Variants in CXCR5 observed in about 807,000 individuals in gnomAD.
CXCR5 encodes the protein C-X-C chemokine receptor type 5.
In CXCR5, 3 loss-of-function variants were observed where a neutral mutation model predicts 5.6. That is an observed-to-expected ratio of 0.54 (90% CI 0.24 to 1.39). The LOEUF (loss-of-function observed/expected upper bound fraction) is 1.39. Ranked by LOEUF, CXCR5 falls within the 40% of genes most tolerant of loss-of-function variation. The pLI is 0.16. For synonymous variants in CXCR5, 218 were observed against 219.9 expected (o/e 0.99, Z 0.08); for missense variants, 333 against 494.6 (o/e 0.67, Z 3.10).
intron 1 of CXCR5, among the ~76,000 whole-genome samples, chr11:118,890,517 A>T (rs907396241): frequency 6.6e-6 from 1 of 152,004 alleles, no homozygotes; most frequent in African/African-American, 2.4e-5. Flanking sequence ...AATTAGGCAA[A>T]TTTGGAAAGA....
At position 118,893,841 on chromosome 11, in the gene CXCR5, G is replaced by A. The variant is rs774062762; in HGVS notation, c.297G>A (p.Leu99=). The change falls in exon 2 of 2, where the codon CTG becomes CTA. Residue 99 remains leucine (L), a synonymous_variant. Transcript: ENST00000292174. The surrounding 1 kb of genome is among the most constrained non-coding windows in gnomAD (Gnocchi z 5.7). ...TCCACCTGGCCGTGGCCGACCTCCT[G>A]CTGGTCTTCATCTTGCCCTTTGCCG... ...FLFHLAVADL[L]LVFILPFAVA... The A allele has an allele frequency of 9.9e-6, 16 of 1,614,010 alleles. No homozygotes were observed. The South Asian group carries it at 1.5e-4, about 16-fold the overall frequency.
intron 1 of CXCR5, among the ~76,000 whole-genome samples, chr11:118,884,416 T>G (rs1441280446): frequency 1.3e-5 from 2 of 152,180 alleles, no homozygotes; most frequent in Non-Finnish European, 2.9e-5. Flanking sequence ...TAGCTGTTCG[T>G]CTCTGGCCAT....
rs1939875276 is a variant in CXCR5, at chr11:118,894,755, AC to A, written c.*94del. The A allele has an allele frequency of 7.6e-7, 1 of 1,320,696 alleles. No homozygotes were observed. The allele number at this position is 1,320,696 out of a possible 1,614,324, so 81.8% of individuals were successfully genotyped here. ...ACAGGAGCTGGGATCCTAAGGGCTC[AC>A]CGTGGCTAAGAGTGTCCTAGGAGTA... On this transcript the variant is annotated 3_prime_UTR_variant, in exon 2 of 2. Coordinates refer to ENST00000292174, the MANE Select transcript of CXCR5 (RefSeq NM_001716.5). The surrounding 1 kb of genome is among the most constrained non-coding windows in gnomAD (Gnocchi z 6.1).
rs1436878846 is a variant in CXCR5, at chr11:118,897,673, TGGCCATGTAG to T, written c.*3014_*3023del. ...ACCCAGAGACACTGCAAACAGTGGG[TGGCCATGTAG>T]GGCTGCATGTCCCTGGGTCCAGGGG... On this transcript the variant is annotated 3_prime_UTR_variant, in exon 2 of 2. Transcript: ENST00000292174. 7 of 409,262 alleles carry T rather than the reference TGGCCATGTAG, an allele frequency of 1.7e-5. No individual in the cohort carries two copies. The highest frequency in any genetic ancestry group is 2.9e-5 in the Non-Finnish European group (6 of 208,068). 25.4% of individuals were successfully genotyped at this position (409,262 alleles called of 1,614,324 possible). A position where few individuals can be genotyped will look rare whatever the true frequency, so the allele number is the denominator to read the frequency against.
intron 1 of CXCR5, among the ~76,000 whole-genome samples, chr11:118,884,643 T>C (rs1939682187): frequency 6.6e-6 from 1 of 152,194 alleles, no homozygotes; most frequent in Admixed American, 6.5e-5. Context: ...GTGAGAAAAC[T>C]GTTAATCTGA....
Position 118,895,014 on chromosome 11 carries a change from A to G in CXCR5, c.*351A>G. ...CTTCTACTTCTGCCCTTGCCAACGG[A>G]GAGCGCCTGCCCCTCCCAGAACACA... On this transcript the variant is annotated 3_prime_UTR_variant, in exon 2 of 2. Coordinates refer to ENST00000292174, the MANE Select transcript of CXCR5 (RefSeq NM_001716.5). The surrounding 1 kb of genome is among the most constrained non-coding windows in gnomAD (Gnocchi z 4.2). The G allele has an allele frequency of 4.6e-6, 1 of 218,748 alleles. No homozygotes were observed. The highest frequency in any genetic ancestry group is 9.7e-6 in the Non-Finnish European group (1 of 102,744). The allele number at this position is 218,748 out of a possible 1,614,324, so 13.6% of individuals were successfully genotyped here.
chr11:118,890,284 G>A (rs2137656099), intron 1 of CXCR5, among the ~76,000 whole-genome samples: 1 of 152,298 alleles, frequency 6.6e-6, no homozygotes, highest in South Asian at 2.1e-4. Flanking sequence ...ACTGCTTTCA[G>A]AGCAGGTCAG....
At position 118,897,576 on chromosome 11, in the gene CXCR5, C is replaced by T; in HGVS notation, c.*2913C>T. On this transcript the variant is annotated 3_prime_UTR_variant, in exon 2 of 2. Transcript: ENST00000292174. ...CCAGGTGGAAGCCTAGGTGGTCTGACCTCAGTTTAGGAGTGGGTCATTTAC... is the reference window on the plus strand; with the variant it reads ...CCAGGTGGAAGCCTAGGTGGTCTGATCTCAGTTTAGGAGTGGGTCATTTAC... 2.8e-6 allele frequency: 1 copy of T among 355,306 alleles called. No homozygotes were observed. The allele number at this position is 355,306 out of a possible 1,614,324, so 22.0% of individuals were successfully genotyped here.
rs557637792 is a variant in CXCR5, at chr11:118,884,878, G to A, written c.51+886G>A. On this transcript the variant is annotated intron_variant, in intron 1 of 1. Coordinates refer to ENST00000292174, the MANE Select transcript of CXCR5 (RefSeq NM_001716.5). ...AACACAGGGTTCCTTGTGAGCCGAC[G>A]GCAGAGGCTGGTTGTAAGGGTTTCT... 4.9e-4 allele frequency among the ~76,000 whole-genome samples: 74 copies of A among 152,248 alleles called. No homozygotes were observed. The South Asian group carries it at 0.012, about 24-fold the overall frequency.
chr11:118,896,663 G>C lies in CXCR5; in HGVS notation c.*2000G>C, dbSNP rs951331627. The C allele has an allele frequency of 6.5e-6, 1 of 152,948 alleles. No homozygotes were observed. The highest frequency in any genetic ancestry group is 1.9e-4 in the East Asian group (1 of 5,208). The allele number at this position is 152,948 out of a possible 1,614,324, so 9.5% of individuals were successfully genotyped here. ...CGCTGGACCTGGCCGATGGTGGGCC[G>C]AGAGGACAGCACCAGGCTGGGAGAA... On this transcript the variant is annotated 3_prime_UTR_variant, in exon 2 of 2. Coordinates refer to ENST00000292174, the MANE Select transcript of CXCR5 (RefSeq NM_001716.5).
chr11:118,886,414 T>G (rs1939711654), intron 1 of CXCR5: 1 of 434,154 alleles, frequency 2.3e-6, no homozygotes, highest in Non-Finnish European at 4.5e-6. Context: ...TGTATTCCAT[T>G]TGTCCTCTTG....
chr11:118,884,861 G>A (rs903768306), intron 1 of CXCR5, among the ~76,000 whole-genome samples: 2 of 152,144 alleles, frequency 1.3e-5, no homozygotes, highest in African/African-American at 2.4e-5. Context: ...GAAACACAGG[G>A]TTCCTTGTGA....
chr11:118,890,310 C>G (rs944503256), intron 1 of CXCR5, among the ~76,000 whole-genome samples: 1 of 152,138 alleles, frequency 6.6e-6, no homozygotes, highest in Non-Finnish European at 1.5e-5. Context: ...GTCTGTCCTA[C>G]GTAAAACACG....
Position 118,894,700 on chromosome 11 carries a change from G to A in CXCR5, c.*37G>A. 1 of 1,499,506 alleles carries A rather than the reference G, an allele frequency of 6.7e-7. No homozygotes were observed. Among genetic ancestry groups the A allele is most frequent in the Non-Finnish European group, 8.9e-7 (1 of 1,124,632 alleles). 92.9% of individuals were successfully genotyped at this position (1,499,506 alleles called of 1,614,324 possible). A position where few individuals can be genotyped will look rare whatever the true frequency, so the allele number is the denominator to read the frequency against. Reference sequence around the variant, plus strand: ...CCCTTTTATTGCTGCTTTTCCTTGGGGCAGGCAGTGATGCTGGATGCTCCT... The same window carrying A: ...CCCTTTTATTGCTGCTTTTCCTTGGAGCAGGCAGTGATGCTGGATGCTCCT... On this transcript the variant is annotated 3_prime_UTR_variant, in exon 2 of 2. Transcript: ENST00000292174. This position sits in a 1 kb window ranked among gnomAD's most constrained non-coding sequence, Gnocchi z 6.1.
chr11:118,894,907 C>T lies in CXCR5; in HGVS notation c.*244C>T. ...AAGCAGCTCAAAGGCACAGTGAAGG[C>T]TGTCCTTACCCATCTGCACCCCCCT... On this transcript the variant is annotated 3_prime_UTR_variant, in exon 2 of 2. Transcript: ENST00000292174. This position sits in a 1 kb window ranked among gnomAD's most constrained non-coding sequence, Gnocchi z 6.1. 1 of 438,260 alleles carries T rather than the reference C, an allele frequency of 2.3e-6. No homozygotes were observed. Among genetic ancestry groups the T allele is most frequent in the Non-Finnish European group, 4.2e-6 (1 of 240,368 alleles). The allele number at this position is 438,260 out of a possible 1,614,324, so 27.1% of individuals were successfully genotyped here.
At position 118,896,219 on chromosome 11, in the gene CXCR5, A is replaced by G. The variant is rs1226070417; in HGVS notation, c.*1556A>G. ...AGGCAGCACAGAGACCCCCGGAACA[A>G]GCCTAAAAATTGTTTCAAAATAAAA... On this transcript the variant is annotated 3_prime_UTR_variant, in exon 2 of 2. Coordinates refer to ENST00000292174, the MANE Select transcript of CXCR5 (RefSeq NM_001716.5). 1 of 166,818 alleles carries G rather than the reference A, an allele frequency of 6.0e-6. No individual in the cohort carries two copies. The highest frequency in any genetic ancestry group is 1.9e-4 in the East Asian group (1 of 5,208). 10.3% of individuals were successfully genotyped at this position (166,818 alleles called of 1,614,324 possible). A position where few individuals can be genotyped will look rare whatever the true frequency, so the allele number is the denominator to read the frequency against.
rs1216569562 is a variant in CXCR5, at chr11:118,894,729, A to C, written c.*66A>C. The C allele has an allele frequency of 6.2e-6, 9 of 1,440,242 alleles. No homozygotes were observed. The highest frequency in any genetic ancestry group is 1.4e-5 in the African/African-American group (1 of 70,260). 89.2% of individuals were successfully genotyped at this position (1,440,242 alleles called of 1,614,324 possible). A position where few individuals can be genotyped will look rare whatever the true frequency, so the allele number is the denominator to read the frequency against. Reference sequence around the variant, plus strand: ...GGCAGTGATGCTGGATGCTCCTTCCAACAGGAGCTGGGATCCTAAGGGCTC... The same window carrying C: ...GGCAGTGATGCTGGATGCTCCTTCCCACAGGAGCTGGGATCCTAAGGGCTC... On this transcript the variant is annotated 3_prime_UTR_variant, in exon 2 of 2. Coordinates refer to ENST00000292174, the MANE Select transcript of CXCR5 (RefSeq NM_001716.5). The surrounding 1 kb of genome is among the most constrained non-coding windows in gnomAD (Gnocchi z 6.1).
chr11:118,888,244 G>A (rs1939749190), intron 1 of CXCR5, among the ~76,000 whole-genome samples: 1 of 152,108 alleles, frequency 6.6e-6, no homozygotes, highest in African/African-American at 2.4e-5. Flanking sequence ...TTGCTGGACA[G>A]TTCTGTCTGT....
rs1455400561 is a variant in CXCR5 at position 118,895,965 on chromosome 11, C to G, written c.*1302C>G. On this transcript the variant is annotated 3_prime_UTR_variant, in exon 2 of 2. Coordinates refer to ENST00000292174, the MANE Select transcript of CXCR5 (RefSeq NM_001716.5). The surrounding 1 kb of genome is among the most constrained non-coding windows in gnomAD (Gnocchi z 4.2). ...CCTTGTCCCACTCAAGCCAAGCAGC[C>G]AAGCTCCTTGGGAGGCCCCACTGGG... 1 of 167,094 alleles carries G rather than the reference C, an allele frequency of 6.0e-6. No individual in the cohort carries two copies. Among genetic ancestry groups the G allele is most frequent in the Non-Finnish European group, 1.5e-5 (1 of 68,148 alleles). The allele number at this position is 167,094 out of a possible 1,614,324, so 10.4% of individuals were successfully genotyped here. A position where few individuals can be genotyped will look rare whatever the true frequency, so the allele number is the denominator to read the frequency against.
Sources: gnomAD v4.1 joint callset for allele counts (sites outside exome capture counted in the v4.1 genomes callset) on GRCh38, gnomAD v4.1.1 for gene constraint, Gnocchi (gnomAD v3.1) non-coding constraint, MANE v1.5 for transcripts, NCBI Gene and HGNC (gene_info 2026-07-23, HGNC 2026-07-21) for gene names.